Variants in MPDZ observed in about 807,000 individuals in gnomAD.
The protein encoded by MPDZ is multiple PDZ domain protein.
Under a neutral mutation model 239.1 loss-of-function variants are expected in MPDZ, and 234 were observed. The observed-to-expected ratio is 0.98, with a 90% confidence interval of 0.88 to 1.09. The LOEUF is 1.09. Among genes scored for constraint, MPDZ ranks in the 50% least tolerant of loss-of-function variants. The pLI, the probability that MPDZ is intolerant of heterozygous loss-of-function variation, is 0.00. For missense variants in MPDZ, 3,175 were observed against 2,510.0 expected (o/e 1.26, Z -5.66); for synonymous variants, 1,048 against 881.3 (o/e 1.19, Z -3.35).
At chr9:13,145,784 A>T (rs1948352632) in intron 26 of MPDZ, among the ~76,000 whole-genome samples, 1 of 152,020 alleles carries the variant, frequency 6.6e-6, no homozygotes, top group South Asian at 2.1e-4. Flanking sequence ...ATGAGACAAG[A>T]TCTTCCCGGC....
At chr9:13,216,265 A>G (rs758171202) in intron 10 of MPDZ, among the ~76,000 whole-genome samples, 8 of 151,582 alleles carry the variant, frequency 5.3e-5, no homozygotes, top group Non-Finnish European at 1.2e-4. Flanking sequence ...CAACGATAAC[A>G]ATGATAGCTT....
intron 10 of MPDZ, among the ~76,000 whole-genome samples, chr9:13,208,670 T>C (rs1423159596): frequency 2.0e-5 from 3 of 149,338 alleles, no homozygotes; most frequent in Non-Finnish European, 3.0e-5. Flanking sequence ...ATATAGGATA[T>C]ATATATATAA....
rs1362557651 is a variant in MPDZ, at chr9:13,126,583, C to T, written c.4565G>A (p.Arg1522Gln). The change falls in exon 34 of 47, where the codon CGA becomes CAA. Residue 1522 changes from arginine to glutamine, a missense_variant. Physicochemically the swap from Arg to Gln is conservative, Grantham distance 43. Coordinates refer to ENST00000319217, the MANE Select transcript of MPDZ (RefSeq NM_001378778.1). Reference sequence around the variant, plus strand: ...CAGTATCTGATCTCCGACTTTGAGTCGTCCATCCTAAATGGAAACGTAGAA... The same window carrying T: ...CAGTATCTGATCTCCGACTTTGAGTTGTCCATCCTAAATGGAAACGTAGAA... ...TEHGVAATDG[R>Q]LKVGDQILAV... 6.2e-6 allele frequency: 10 copies of T among 1,600,844 alleles called. No individual in the cohort carries two copies. The highest frequency in any genetic ancestry group is 2.2e-5 in the East Asian group (1 of 44,516).
chr9:13,167,434 T>C (rs1468211259), intron 22 of MPDZ, among the ~76,000 whole-genome samples: 1 of 152,112 alleles, frequency 6.6e-6, no homozygotes, highest in Non-Finnish European at 1.5e-5. Context: ...TTCTTCTTTT[T>C]ATTGACCACA....
At chr9:13,165,349 C>A (rs778806045) in intron 22 of MPDZ, 1 of 1,548,308 alleles carries the variant, frequency 6.5e-7, no homozygotes, top group Admixed American at 2.0e-5. Flanking sequence ...AATGAGCTTT[C>A]GAATCACTGA....
intron 32 of MPDZ, 33 bp downstream of exon 32, chr9:13,133,791 A>ACAG: frequency 6.9e-7 from 1 of 1,457,896 alleles, no homozygotes; most frequent in Non-Finnish European, 9.6e-7. Context: ...AAAGGAACTC[A>ACAG]CATCATTTCA....
intron 1 of MPDZ, among the ~76,000 whole-genome samples, chr9:13,268,151 A>AG (rs1278358867): frequency 2.7e-5 from 3 of 110,162 alleles, no homozygotes; most frequent in Non-Finnish European, 4.4e-5. Flanking sequence ...CAAAAGGAAA[A>AG]TTATATATAT....
intron 14 of MPDZ, among the ~76,000 whole-genome samples, chr9:13,192,548 G>T (rs938890306): frequency 4.6e-5 from 7 of 151,662 alleles, no homozygotes; most frequent in Non-Finnish European, 1.0e-4. Flanking sequence ...CCAGTGTAGT[G>T]GTCTGGAAAA....
At position 13,121,711 on chromosome 9, in the gene MPDZ, G is replaced by A. The variant is rs761459261; in HGVS notation, c.5231+28C>T. 9.3e-6 allele frequency: 15 copies of A among 1,608,538 alleles called. No homozygotes were observed. The Admixed American group carries it at 2.2e-4, about 23-fold the overall frequency. ...TTTAAGTCCCATCATTTCCAAGGGAGCATTGGGTTTGTCCTCCTCAATCAC... is the reference window on the plus strand; with the variant it reads ...TTTAAGTCCCATCATTTCCAAGGGAACATTGGGTTTGTCCTCCTCAATCAC... On this transcript the variant is annotated intron_variant, in intron 38 of 46. Coordinates refer to ENST00000319217, the MANE Select transcript of MPDZ (RefSeq NM_001378778.1).
At chr9:13,219,069 C>G (rs887317176) in intron 8 of MPDZ, among the ~76,000 whole-genome samples, 2 of 151,800 alleles carry the variant, frequency 1.3e-5, no homozygotes, top group African/African-American at 2.4e-5. Context: ...AAAACAATAA[C>G]ACTAAAAGGT....
chr9:13,259,006 AC>A (rs1970051649), intron 1 of MPDZ, among the ~76,000 whole-genome samples: 2 of 148,386 alleles, frequency 1.3e-5, no homozygotes, highest in Non-Finnish European at 3.0e-5. Context: ...AATCGCTTGA[AC>A]CCAGGAGGCA....
chr9:13,171,728 C>A (rs932312060), intron 21 of MPDZ, among the ~76,000 whole-genome samples: 1 of 152,116 alleles, frequency 6.6e-6, no homozygotes, highest in Non-Finnish European at 1.5e-5. Flanking sequence ...CCAAATGATT[C>A]ATGAAATCAA....
chr9:13,123,346 G>A, intron 35 of MPDZ, 48 bp from the exon 36 acceptor site: 1 of 1,511,134 alleles, frequency 6.6e-7, no homozygotes, highest in Non-Finnish European at 9.0e-7. Context: ...GGTTACTAAG[G>A]CATATCCATC....
chr9:13,216,537 G>C (rs1418706481), intron 10 of MPDZ, among the ~76,000 whole-genome samples: 1 of 151,658 alleles, frequency 6.6e-6, no homozygotes, highest in African/African-American at 2.4e-5. Context: ...AGATATATCA[G>C]GAATTATTCA....
At chr9:13,164,770 T>G in intron 22 of MPDZ, among the ~76,000 whole-genome samples, 1 of 152,116 alleles carries the variant, frequency 6.6e-6, no homozygotes, top group Middle Eastern at 3.2e-3. Context: ...TCCTAACTAT[T>G]TAGCCACTAC....
chr9:13,119,139 T>A (rs560486789), intron 39 of MPDZ, among the ~76,000 whole-genome samples: 31 of 152,146 alleles, frequency 2.0e-4, no homozygotes, highest in Non-Finnish European at 3.7e-4. Flanking sequence ...TGAGACAGGG[T>A]TTCTGTCACC....
chr9:13,179,311 C>T (rs914590699), intron 19 of MPDZ, among the ~76,000 whole-genome samples: 2 of 152,052 alleles, frequency 1.3e-5, no homozygotes, highest in African/African-American at 2.4e-5. Flanking sequence ...TTCCATATTG[C>T]TAAATTGATT....
chr9:13,142,835 G>C (rs1482472277), intron 27 of MPDZ, among the ~76,000 whole-genome samples: 1 of 151,968 alleles, frequency 6.6e-6, no homozygotes, highest in Non-Finnish European at 1.5e-5. Context: ...ATTGTTGATG[G>C]CTTTCTTCCT....
chr9:13,270,956 C>A (rs1171483286), intron 1 of MPDZ, among the ~76,000 whole-genome samples: 1 of 152,062 alleles, frequency 6.6e-6, no homozygotes, highest in Non-Finnish European at 1.5e-5. Flanking sequence ...TTACAGAAAA[C>A]ATGCAAGTGG....
Sources: gnomAD v4.1 joint callset for allele counts (sites outside exome capture counted in the v4.1 genomes callset) on GRCh38, gnomAD v4.1.1 for gene constraint, MANE v1.5 for transcripts, NCBI Gene and HGNC (gene_info 2026-07-23, HGNC 2026-07-21) for gene names.